The following INPP5A variants were observed in gnomAD, a reference collection of about 807,000 sequenced individuals.
INPP5A encodes 43 kDa inositol polyphosphate 5-phophatase.
A neutral mutation model predicts 65.2 loss-of-function variants in INPP5A; 14 were observed. The ratio of observed to expected loss-of-function variants is 0.21; its 90% CI spans 0.14 to 0.34. The LOEUF is 0.34. Among genes scored for constraint, INPP5A ranks in the 10% least tolerant of loss-of-function variants. INPP5A has a pLI of 1.00. For synonymous variants in INPP5A, 207 were observed against 208.3 expected (o/e 0.99, Z 0.05); for missense variants, 431 against 545.6 (o/e 0.79, Z 2.09).
rs899181629 is a variant in INPP5A, at chr10:132,645,000, C to T, written c.118-868C>T. 1.3e-5 allele frequency among the ~76,000 whole-genome samples: 2 copies of T among 152,136 alleles called. No homozygotes were observed. The highest frequency in any genetic ancestry group is 2.9e-5 in the Non-Finnish European group (2 of 68,028). ...AGGGGAGGCCATGTCGATACTGCAT[C>T]CGCTCTCTGAATTCTCTGCCCGCGC... On this transcript the variant is annotated intron_variant, in intron 2 of 15. Coordinates refer to ENST00000368594, the MANE Select transcript of INPP5A (RefSeq NM_005539.5). This position sits in a 1 kb window ranked among gnomAD's most constrained non-coding sequence, Gnocchi z 6.5.
chr10:132,564,584 A>C (rs1266980847), intron 1 of INPP5A, among the ~76,000 whole-genome samples: 2 of 152,200 alleles, frequency 1.3e-5, no homozygotes, highest in Non-Finnish European at 2.9e-5. Flanking sequence ...CCAACAGTTC[A>C]GTGTTATTGG....
chr10:132,573,734 G>A (rs1352568268), intron 1 of INPP5A, among the ~76,000 whole-genome samples: 71 of 104,946 alleles, frequency 6.8e-4, no homozygotes, highest in Admixed American at 9.1e-4. Flanking sequence ...GTTGGGGTGT[G>A]CGTGCCGTGT....
chr10:132,776,726 G>T (rs1416540466), intron 12 of INPP5A, among the ~76,000 whole-genome samples: 2 of 152,186 alleles, frequency 1.3e-5, no homozygotes, highest in African/African-American at 2.4e-5. Flanking sequence ...ATGCCCATTT[G>T]GGGGTGGGTT....
intron 11 of INPP5A, among the ~76,000 whole-genome samples, chr10:132,758,936 G>A (rs12245823): frequency 0.023 from 3,470 of 152,316 alleles, 119 homozygotes; most frequent in African/African-American, 0.078. Flanking sequence ...AAAAGGATCG[G>A]AAAGCTGGGT....
intron 1 of INPP5A, among the ~76,000 whole-genome samples, chr10:132,552,699 C>T (rs2071071740): frequency 6.9e-6 from 1 of 145,386 alleles, no homozygotes; most frequent in Non-Finnish European, 1.5e-5. Flanking sequence ...TTGGTGAACG[C>T]CTTCTCAGAG....
At chr10:132,649,233 C>T (rs1234245876) in intron 3 of INPP5A, among the ~76,000 whole-genome samples, 2 of 152,216 alleles carry the variant, frequency 1.3e-5, no homozygotes, top group African/African-American at 2.4e-5. Context: ...CTCACGTGTG[C>T]TTTCCCTGTC....
intron 2 of INPP5A, among the ~76,000 whole-genome samples, chr10:132,614,917 A>G (rs2072010286): frequency 6.6e-6 from 1 of 152,236 alleles, no homozygotes; most frequent in Admixed American, 6.5e-5. Flanking sequence ...CCTCGCTCTT[A>G]TCCTCCCAGC....
chr10:132,591,611 A>G (rs190681681), intron 1 of INPP5A, among the ~76,000 whole-genome samples: 12 of 152,326 alleles, frequency 7.9e-5, no homozygotes, highest in African/African-American at 2.6e-4. Flanking sequence ...CTTCTCTTCC[A>G]GCAGGCCTTC....
At position 132,727,036 on chromosome 10, in the gene INPP5A, A is replaced by C; in HGVS notation, c.732+131A>C. On this transcript the variant is annotated intron_variant, in intron 9 of 15. Transcript: ENST00000368594. This position sits in a 1 kb window ranked among gnomAD's most constrained non-coding sequence, Gnocchi z 6.5. Reference sequence around the variant, plus strand: ...TCCCGGGATGCACTTTTTAAGGCAAAACCTTTCAATGAAGAAGCATGTTTT... The same window carrying C: ...TCCCGGGATGCACTTTTTAAGGCAACACCTTTCAATGAAGAAGCATGTTTT... 3.6e-6 allele frequency: 2 copies of C among 550,262 alleles called. No individual in the cohort carries two copies. The highest frequency in any genetic ancestry group is 1.9e-5 in the African/African-American group (1 of 52,412). The allele number at this position is 550,262 out of a possible 1,614,324, so 34.1% of individuals were successfully genotyped here.
chr10:132,778,302 ATTTTTTTTTTTTTTTT>A (rs57172206), intron 13 of INPP5A, among the ~76,000 whole-genome samples: 2 of 72,960 alleles, frequency 2.7e-5, no homozygotes, highest in African/African-American at 7.9e-5. Flanking sequence ...TTTAATAATA[ATTTTTTTTTTTTTTTT>A]TTTTTTTTTT....
chr10:132,633,160 C>A lies in INPP5A; in HGVS notation c.118-12708C>A, dbSNP rs112684302. On this transcript the variant is annotated intron_variant, in intron 2 of 15. Coordinates refer to ENST00000368594, the MANE Select transcript of INPP5A (RefSeq NM_005539.5). The stretch of plus-strand genomic sequence containing the variant: ...TCCCTGGCTGCCTTTTGTGGTGGTG[C>A]TAGCCACCCATCAGCTTCAGTAGTG... Among the ~76,000 whole-genome samples the A allele has an allele frequency of 8.1e-3, 1,235 of 152,260 alleles. 15 individuals are homozygous for A. The highest frequency in any genetic ancestry group is 0.029 in the African/African-American group (1,184 of 41,532).
chr10:132,782,215 C>T lies in INPP5A; in HGVS notation c.*186C>T. The T allele has an allele frequency of 1.4e-6, 1 of 722,690 alleles. No homozygotes were observed. Among genetic ancestry groups the T allele is most frequent in the Non-Finnish European group, 2.3e-6 (1 of 438,762 alleles). 44.8% of individuals were successfully genotyped at this position (722,690 alleles called of 1,614,324 possible). ...GGAGCAGCCTCACATACCTCACTGT[C>T]TCGTCTGTCTATGTGACATTAAGTA... On this transcript the variant is annotated 3_prime_UTR_variant, in exon 16 of 16. Coordinates refer to ENST00000368594, the MANE Select transcript of INPP5A (RefSeq NM_005539.5). This position sits in a 1 kb window ranked among gnomAD's most constrained non-coding sequence, Gnocchi z 4.4.
At chr10:132,601,245 A>T (rs553818327) in intron 1 of INPP5A, among the ~76,000 whole-genome samples, 50 of 152,298 alleles carry the variant, frequency 3.3e-4, no homozygotes, top group African/African-American at 1.1e-3. Flanking sequence ...GCATTTCCTT[A>T]ATGATTAGTG....
intron 2 of INPP5A, among the ~76,000 whole-genome samples, chr10:132,612,609 G>A (rs990973783): frequency 6.6e-6 from 1 of 152,144 alleles, no homozygotes; most frequent in African/African-American, 2.4e-5. Flanking sequence ...GCTGAGGCCC[G>A]GTTCCCCTGC....
chr10:132,604,698 C>T (rs1434918768), intron 1 of INPP5A, among the ~76,000 whole-genome samples: 1 of 152,236 alleles, frequency 6.6e-6, no homozygotes, highest in Non-Finnish European at 1.5e-5. Flanking sequence ...GAACATGATG[C>T]AGCCTCACTG....
chr10:132,605,729 A>T (rs1182199187), intron 1 of INPP5A, among the ~76,000 whole-genome samples: 1 of 151,856 alleles, frequency 6.6e-6, no homozygotes, highest in African/African-American at 2.4e-5. Flanking sequence ...GGCCCCGACT[A>T]GTGTTGGGGT....
At chr10:132,742,218 G>A (rs761414781) in intron 9 of INPP5A, among the ~76,000 whole-genome samples, 8 of 152,214 alleles carry the variant, frequency 5.3e-5, no homozygotes, top group Admixed American at 1.3e-4. Flanking sequence ...GGTGAGTCCC[G>A]TGTGAACACA....
intron 6 of INPP5A, among the ~76,000 whole-genome samples, chr10:132,703,714 C>T (rs1845479775): frequency 2.0e-5 from 2 of 97,930 alleles, no homozygotes; most frequent in Non-Finnish European, 4.1e-5. Flanking sequence ...TCACCCCCCC[C>T]ACACACTCAC....
At chr10:132,738,008 A>G (rs1846207830) in intron 9 of INPP5A, among the ~76,000 whole-genome samples, 1 of 152,228 alleles carries the variant, frequency 6.6e-6, no homozygotes, top group Non-Finnish European at 1.5e-5. Flanking sequence ...TTATAGAAAA[A>G]GAAGACAAAA....
Sources: gnomAD v4.1 joint callset for allele counts (sites outside exome capture counted in the v4.1 genomes callset) on GRCh38, gnomAD v4.1.1 for gene constraint, Gnocchi (gnomAD v3.1) non-coding constraint, MANE v1.5 for transcripts, NCBI Gene and HGNC (gene_info 2026-07-23, HGNC 2026-07-21) for gene names.